The following FBH1 variants were observed in gnomAD, a reference collection of about 807,000 sequenced individuals.
FBH1 encodes the protein DNA 3'-5' helicase 1.
Under a neutral mutation model 115.5 loss-of-function variants are expected in FBH1, and 43 were observed. That is an observed-to-expected ratio of 0.37 (90% CI 0.29 to 0.48). The LOEUF is 0.48. Among genes scored for constraint, FBH1 ranks in the 20% least tolerant of loss-of-function variants. FBH1 has a pLI of 0.99. For missense variants in FBH1, 1,001 were observed against 1,337.3 expected (o/e 0.75, Z 3.92); for synonymous variants, 524 against 507.8 (o/e 1.03, Z -0.43).
rs758946605 is a variant in FBH1 at position 5,917,724 on chromosome 10, C to T, written c.1963+48C>T. On this transcript the variant is annotated intron_variant, in intron 12 of 20. Coordinates refer to ENST00000362091, the MANE Select transcript of FBH1 (RefSeq NM_178150.3). The surrounding 1 kb of genome is among the most constrained non-coding windows in gnomAD (Gnocchi z 5.6). ...AGTAGTGTCAAATACGTAGAAACAGCGCCATGATTATGTAAGAGGACACCT... is the reference window on the plus strand; with the variant it reads ...AGTAGTGTCAAATACGTAGAAACAGTGCCATGATTATGTAAGAGGACACCT... 4.2e-5 allele frequency: 60 copies of T among 1,427,556 alleles called. No homozygotes were observed. In the Admixed American group the frequency reaches 5.7e-4, roughly 14 times the overall value. The allele number at this position is 1,427,556 out of a possible 1,614,324, so 88.4% of individuals were successfully genotyped here.
Position 5,930,970 on chromosome 10 carries a change from C to T in FBH1, c.2829+3429C>T, listed in dbSNP as rs146049179. ...GACAGGGTCTCACTCACTATGTTGC[C>T]CAGGCTGGTCTTGAACTCCTGGGCT... On this transcript the variant is annotated intron_variant, in intron 19 of 20. Transcript: ENST00000362091. Among the ~76,000 whole-genome samples the T allele has an allele frequency of 7.2e-4, 109 of 152,132 alleles. 2 individuals are homozygous for T. In the East Asian group the frequency reaches 0.019, roughly 27 times the overall value.
intron 13 of FBH1, among the ~76,000 whole-genome samples, chr10:5,919,302 A>G (rs1003779083): frequency 6.6e-6 from 1 of 152,182 alleles, no homozygotes; most frequent in Non-Finnish European, 1.5e-5. Flanking sequence ...CCTGGCCAAC[A>G]TGGTAAAACC....
At position 5,921,158 on chromosome 10, in the gene FBH1, C is replaced by T. The variant is rs1402722556; in HGVS notation, c.2101-100C>T. The stretch of plus-strand genomic sequence containing the variant: ...TTTCCATGCGGGGGGTCAGGAACAA[C>T]TTGTAGGGTCTGGCCCGGCCAGGCT... On this transcript the variant is annotated intron_variant, in intron 13 of 20. Transcript: ENST00000362091. This position sits in a 1 kb window ranked among gnomAD's most constrained non-coding sequence, Gnocchi z 6.4. 1 of 1,134,274 alleles carries T rather than the reference C, an allele frequency of 8.8e-7. No homozygotes were observed. Among genetic ancestry groups the T allele is most frequent in the African/African-American group, 1.6e-5 (1 of 64,036 alleles). 70.3% of individuals were successfully genotyped at this position (1,134,274 alleles called of 1,614,324 possible). A position where few individuals can be genotyped will look rare whatever the true frequency, so the allele number is the denominator to read the frequency against.
At chr10:5,889,914 C>T (rs535569402), upstream of FBH1, 22 of 167,052 alleles carry the variant, frequency 1.3e-4, no homozygotes, top group South Asian at 3.8e-3. Context: ...CCCTGGGGGC[C>T]GGCGTTCCTG....
chr10:5,905,672 C>T (rs913167166), intron 2 of FBH1, among the ~76,000 whole-genome samples: 6 of 152,162 alleles, frequency 3.9e-5, no homozygotes, highest in Non-Finnish European at 4.4e-5. Context: ...TTAGTGGGAG[C>T]GGGGCACTTT....
At position 5,891,719 on chromosome 10, in the gene FBH1, C is replaced by T. The variant is rs539884530; in HGVS notation, c.1+1373C>T. Among the ~76,000 whole-genome samples, 374 of 152,362 alleles carry T rather than the reference C, an allele frequency of 2.5e-3. 2 individuals carry two copies. The highest frequency in any genetic ancestry group is 8.5e-3 in the African/African-American group (355 of 41,588). ...CCCCCTCCCGGGTTCAAGCAATTCT[C>T]CTGCCTCAGCCTCCCGAGTAGCTGG... On this transcript the variant is annotated intron_variant, in intron 1 of 20. Coordinates refer to ENST00000362091, the MANE Select transcript of FBH1 (RefSeq NM_178150.3).
In FBH1 at chr10:5,895,871, C is replaced by G. The variant is rs111834239; in HGVS notation, c.1+5525C>G. Among the ~76,000 whole-genome samples the G allele has an allele frequency of 6.6e-6, 1 of 152,088 alleles. No homozygotes were observed. The highest frequency in any genetic ancestry group is 1.5e-5 in the Non-Finnish European group (1 of 68,002). ...CATTGGCTGGCACCCAGCGGTAAGG[C>G]GACATCCACCTGCACGCAGGACTGG... On this transcript the variant is annotated intron_variant, in intron 1 of 20. Transcript: ENST00000362091. The surrounding 1 kb of genome is among the most constrained non-coding windows in gnomAD (Gnocchi z 5.0).
intron 1 of FBH1, chr10:5,894,161 T>G: frequency 1.0e-6 from 1 of 985,434 alleles, no homozygotes; most frequent in East Asian, 1.1e-4. Context: ...AGTGAATACC[T>G]GGGAAAGGAG....
intron 1 of FBH1, chr10:5,894,311 A>G (rs1842891398): frequency 1.3e-6 from 2 of 1,495,716 alleles, no homozygotes; most frequent in Non-Finnish European, 8.9e-7. Context: ...ATACTTCTCA[A>G]TTTCTTTGGT....
Position 5,908,883 on chromosome 10 carries a change from C to T in FBH1, c.754-42C>T, listed in dbSNP as rs370543074. The T allele has an allele frequency of 2.8e-5, 45 of 1,609,386 alleles. No homozygotes were observed. The African/African-American group carries it at 5.5e-4, about 20-fold the overall frequency. Reference sequence around the variant, plus strand: ...GCCTCATTAATCTGCTTTCTAATGGCCCTTTGCCTCATGTTATTTTGTTTG... The same window carrying T: ...GCCTCATTAATCTGCTTTCTAATGGTCCTTTGCCTCATGTTATTTTGTTTG... On this transcript the variant is annotated intron_variant, in intron 3 of 20. Coordinates refer to ENST00000362091, the MANE Select transcript of FBH1 (RefSeq NM_178150.3).
At position 5,895,621 on chromosome 10, in the gene FBH1, A is replaced by G. The variant is rs993341525; in HGVS notation, c.1+5275A>G. Among the ~76,000 whole-genome samples the G allele has an allele frequency of 2.0e-5, 3 of 152,162 alleles. No individual in the cohort carries two copies. Among genetic ancestry groups the G allele is most frequent in the African/African-American group, 4.8e-5 (2 of 41,442 alleles). ...TTATTTTTCAATCCCATAACAATCT[A>G]AGGAGGCTACAGGTCATGGTGGTGG... On this transcript the variant is annotated intron_variant, in intron 1 of 20. Coordinates refer to ENST00000362091, the MANE Select transcript of FBH1 (RefSeq NM_178150.3). The surrounding 1 kb of genome is among the most constrained non-coding windows in gnomAD (Gnocchi z 5.0).
At position 5,923,796 on chromosome 10, in the gene FBH1, C is replaced by T; in HGVS notation, c.2398+100C>T. The T allele has an allele frequency of 9.1e-7, 1 of 1,097,480 alleles. No homozygotes were observed. Among genetic ancestry groups the T allele is most frequent in the Non-Finnish European group, 1.3e-6 (1 of 741,048 alleles). 68.0% of individuals were successfully genotyped at this position (1,097,480 alleles called of 1,614,324 possible). On this transcript the variant is annotated intron_variant, in intron 16 of 20. Coordinates refer to ENST00000362091, the MANE Select transcript of FBH1 (RefSeq NM_178150.3). This position sits in a 1 kb window ranked among gnomAD's most constrained non-coding sequence, Gnocchi z 5.7. ...TCTGAGTCAGGGACCCGTTTCCCTC[C>T]AGAGAAGGGCGAGCTAGTGTTGCTG...
chr10:5,930,322 T>C (rs962641646), intron 19 of FBH1, among the ~76,000 whole-genome samples: 6 of 152,244 alleles, frequency 3.9e-5, no homozygotes, highest in African/African-American at 1.4e-4. Flanking sequence ...TGCTTGTCTC[T>C]TAAGTTAAAT....
At chr10:5,922,444 A>G (rs905758495) in intron 15 of FBH1, among the ~76,000 whole-genome samples, 5 of 152,216 alleles carry the variant, frequency 3.3e-5, no homozygotes, top group Non-Finnish European at 7.3e-5. Flanking sequence ...ATGACCTTAT[A>G]ATATTTGGTC....
At position 5,906,699 on chromosome 10, in the gene FBH1, A is replaced by T; in HGVS notation, c.753+67A>T. ...ACGTAACTTTGCTTAATGCACGCTT[A>T]TAATCAGAGGATCTTTTCAGAAATG... is the stretch of plus-strand genomic sequence containing the variant. On this transcript the variant is annotated intron_variant, in intron 3 of 20. Coordinates refer to ENST00000362091, the MANE Select transcript of FBH1 (RefSeq NM_178150.3). The surrounding 1 kb of genome is among the most constrained non-coding windows in gnomAD (Gnocchi z 7.3). 1 of 1,273,764 alleles carries T rather than the reference A, an allele frequency of 7.9e-7. No individual in the cohort carries two copies. Among genetic ancestry groups the T allele is most frequent in the Non-Finnish European group, 1.1e-6 (1 of 915,362 alleles). 78.9% of individuals were successfully genotyped at this position (1,273,764 alleles called of 1,614,324 possible).
chr10:5,925,281 A>G lies in FBH1; in HGVS notation c.2597-86A>G. The stretch of plus-strand genomic sequence containing the variant: ...TGAGGCAAGAAATGTTCGAGTTCAG[A>G]GTCAAGTGGGAAACATGTATGTTTT... On this transcript the variant is annotated intron_variant, in intron 17 of 20. Coordinates refer to ENST00000362091, the MANE Select transcript of FBH1 (RefSeq NM_178150.3). This position sits in a 1 kb window ranked among gnomAD's most constrained non-coding sequence, Gnocchi z 4.6. The G allele has an allele frequency of 6.5e-7, 1 of 1,526,752 alleles. No individual in the cohort carries two copies. Among genetic ancestry groups the G allele is most frequent in the Non-Finnish European group, 8.9e-7 (1 of 1,122,734 alleles). 94.6% of individuals were successfully genotyped at this position (1,526,752 alleles called of 1,614,324 possible).
rs1476324073 is a variant in FBH1, at chr10:5,921,525, C to T, written c.2278C>T (p.Arg760Trp). The change falls in exon 15 of 21, where the codon CGG becomes TGG. Residue 760 changes from arginine (R) to tryptophan (W), a missense_variant. Physicochemically the swap from Arg to Trp is moderately radical, Grantham distance 101. Coordinates refer to ENST00000362091, the MANE Select transcript of FBH1 (RefSeq NM_178150.3). The surrounding 1 kb of genome is among the most constrained non-coding windows in gnomAD (Gnocchi z 6.4). ...TNANVFDEAV[R>W]VTEGEFPSRI... ...CGCCAACGTGTTTGATGAGGCCGTA[C>T]GGGTGACGGAAGGGGAATTCCCTTC... 5.0e-6 allele frequency: 8 copies of T among 1,596,024 alleles called. No homozygotes were observed. Among genetic ancestry groups the T allele is most frequent in the East Asian group, 2.2e-5 (1 of 44,800 alleles).
chr10:5,924,089 G>C lies in FBH1; in HGVS notation c.2399-222G>C, dbSNP rs531678006. 2 of 592,152 alleles carry C rather than the reference G, an allele frequency of 3.4e-6. No individual in the cohort carries two copies. Among genetic ancestry groups the C allele is most frequent in the African/African-American group, 1.9e-5 (1 of 53,730 alleles). 36.7% of individuals were successfully genotyped at this position (592,152 alleles called of 1,614,324 possible). On this transcript the variant is annotated intron_variant, in intron 16 of 20. Coordinates refer to ENST00000362091, the MANE Select transcript of FBH1 (RefSeq NM_178150.3). The surrounding 1 kb of genome is among the most constrained non-coding windows in gnomAD (Gnocchi z 6.2). ...TCCCTGTGAAGTAGGTGAGGATCTTGAGCCGAGGGCTTTGCTCCTCAGTCG... is the reference window on the plus strand; with the variant it reads ...TCCCTGTGAAGTAGGTGAGGATCTTCAGCCGAGGGCTTTGCTCCTCAGTCG...
Position 5,937,131 on chromosome 10 carries a change from G to T in FBH1, c.2983G>T (p.Gly995Trp). The change falls in exon 21 of 21, where the codon GGG (glycine) becomes TGG (tryptophan). Residue 995 changes from glycine to tryptophan, a missense_variant. This residue lies in a region of FBH1 where 521 missense variants were observed against 811.0 expected (regional missense o/e 0.64). Coordinates refer to ENST00000362091, the MANE Select transcript of FBH1 (RefSeq NM_178150.3). ...ACAGAGCAACAGGAAGGAAAACAAGGGGGGCTACCTCTGCCACTCCTGTGC... is the reference window on the plus strand; with the variant it reads ...ACAGAGCAACAGGAAGGAAAACAAGTGGGGCTACCTCTGCCACTCCTGTGC... Reference protein sequence around the residue: ...ITYSNRKENKGGYLCHSCAEQ... With the variant: ...ITYSNRKENKWGYLCHSCAEQ... 1 of 1,608,098 alleles carries T rather than the reference G, an allele frequency of 6.2e-7. No individual in the cohort carries two copies. The highest frequency in any genetic ancestry group is 8.5e-7 in the Non-Finnish European group (1 of 1,176,772).
Sources: allele counts gnomAD v4.1 joint callset (sites outside exome capture counted in the v4.1 genomes callset), GRCh38; gene constraint gnomAD v4.1.1; regional missense constraint gnomAD v4.1.1; non-coding constraint Gnocchi (gnomAD v3.1); transcripts MANE v1.5; gene names NCBI Gene and HGNC (gene_info 2026-07-23, HGNC 2026-07-21).